The following THSD7B variants were observed in gnomAD, a reference collection of about 807,000 sequenced individuals.
THSD7B encodes the protein thrombospondin type 1 domain containing 7B, also known as thrombospondin type-1 domain-containing protein 7B.
In THSD7B, 138 loss-of-function variants were observed where a neutral mutation model predicts 213.6. The ratio of observed to expected loss-of-function variants is 0.65; its 90% confidence interval spans 0.56 to 0.74. The LOEUF (loss-of-function observed/expected upper bound fraction) is 0.74. Ranked by LOEUF, THSD7B falls within the 30% of genes least tolerant of loss-of-function variation. THSD7B has a pLI of 0.00. For missense variants in THSD7B, 1,931 were observed against 1,991.5 expected (o/e 0.97, Z 0.58); for synonymous variants, 742 against 687.0 (o/e 1.08, Z -1.25).
intron 16 of THSD7B, among the ~76,000 whole-genome samples, chr2:137,564,231 G>C (rs1405193893): frequency 2.0e-5 from 3 of 152,182 alleles, no homozygotes; most frequent in Non-Finnish European, 4.4e-5. Context: ...TTGAAAGTCA[G>C]TTGCAAGGCA....
intron 2 of THSD7B, among the ~76,000 whole-genome samples, chr2:136,954,437 C>T (rs1400868764): frequency 6.6e-6 from 1 of 152,144 alleles, no homozygotes; most frequent in African/African-American, 2.4e-5. Flanking sequence ...GAAATTACGG[C>T]CGGGCGCGGT....
At chr2:136,883,763 T>G (rs929354535) in intron 2 of THSD7B, among the ~76,000 whole-genome samples, 1 of 152,134 alleles carries the variant, frequency 6.6e-6, no homozygotes, top group African/African-American at 2.4e-5. Context: ...AACTCTACAG[T>G]GGATGAATTT....
intron 5 of THSD7B, among the ~76,000 whole-genome samples, chr2:137,135,310 C>A (rs1219806055): frequency 1.3e-5 from 2 of 152,114 alleles, no homozygotes; most frequent in Admixed American, 1.3e-4. Context: ...TGAGCTTTAG[C>A]CCTTATAACA....
chr2:137,620,637 G>A lies in THSD7B; in HGVS notation c.3710G>A (p.Ser1237Asn). ...QHNLEKPQRM[S>N]IPCLVECVVN... ...AATTTGGAGAAGCCCCAGAGAATGAGCATTCCCTGCTTGGTGGAATGCGTG... is the reference window on the plus strand; with the variant it reads ...AATTTGGAGAAGCCCCAGAGAATGAACATTCCCTGCTTGGTGGAATGCGTG... The change falls in exon 20 of 28, where the codon AGC (serine) becomes AAC (asparagine). Residue 1237 changes from serine (S) to asparagine (N), a missense_variant. Physicochemically the swap from Ser to Asn is conservative, Grantham distance 46 (BLOSUM62 1). Transcript: ENST00000409968. 6.2e-7 allele frequency: 1 copy of A among 1,613,854 alleles called. No homozygotes were observed. The highest frequency in any genetic ancestry group is 2.2e-5 in the East Asian group (1 of 44,884).
chr2:137,575,416 C>A (rs1031231674), intron 17 of THSD7B, among the ~76,000 whole-genome samples: 28 of 151,950 alleles, frequency 1.8e-4, no homozygotes, highest in African/African-American at 6.0e-4. Context: ...AATAAAATGT[C>A]ACCTCCATTA....
At chr2:137,160,405 A>G in intron 6 of THSD7B, 37 bp downstream of exon 6, 1 of 1,605,014 alleles carries the variant, frequency 6.2e-7, no homozygotes, top group Non-Finnish European at 8.5e-7. Flanking sequence ...ATTTGCTGTC[A>G]GCGTACAAAC....
intron 4 of THSD7B, among the ~76,000 whole-genome samples, chr2:137,113,418 T>G (rs1043359045): frequency 6.6e-6 from 1 of 152,000 alleles, no homozygotes; most frequent in African/African-American, 2.4e-5. Context: ...TTTGTGGGGT[T>G]TTTGTGTGTG....
chr2:137,510,122 G>A (rs1034415330), intron 15 of THSD7B, among the ~76,000 whole-genome samples: 5 of 151,960 alleles, frequency 3.3e-5, no homozygotes, highest in African/African-American at 1.2e-4. Flanking sequence ...ATTTAATATA[G>A]TAATTGGTAT....
chr2:136,830,537 G>C (rs572630135), intron 1 of THSD7B, among the ~76,000 whole-genome samples: 1 of 152,140 alleles, frequency 6.6e-6, no homozygotes, highest in East Asian at 1.9e-4. Context: ...TAACCTTAAA[G>C]TATTTGGAAA....
intron 14 of THSD7B, among the ~76,000 whole-genome samples, chr2:137,446,087 T>A (rs1343606861): frequency 6.6e-6 from 1 of 151,962 alleles, no homozygotes; most frequent in Non-Finnish European, 1.5e-5. Flanking sequence ...TGTCAGTAGA[T>A]AGAACATAAG....
At chr2:137,329,973 C>T (rs6727596) in intron 12 of THSD7B, among the ~76,000 whole-genome samples, 42,129 of 152,002 alleles carry the variant, frequency 0.28, 6,116 homozygotes, top group South Asian at 0.3. Flanking sequence ...GACTTGATGC[C>T]GTGCATCTCA....
chr2:136,940,248 C>T (rs1684798113), intron 2 of THSD7B, among the ~76,000 whole-genome samples: 2 of 151,878 alleles, frequency 1.3e-5, no homozygotes, highest in African/African-American at 4.8e-5. Context: ...TATTTAGCTC[C>T]TACTTATAAG....
chr2:136,904,937 G>A (rs1394983905), intron 2 of THSD7B, among the ~76,000 whole-genome samples: 1 of 152,220 alleles, frequency 6.6e-6, no homozygotes, highest in African/African-American at 2.4e-5. Context: ...CTCATACAAT[G>A]TTGGAGCGGT....
At chr2:136,878,219 C>T (rs1251467853) in intron 1 of THSD7B, among the ~76,000 whole-genome samples, 1 of 152,176 alleles carries the variant, frequency 6.6e-6, no homozygotes, top group African/African-American at 2.4e-5. Context: ...TGGTTTCCAG[C>T]TTCATCCATG....
chr2:137,052,245 G>T (rs1300772957), intron 2 of THSD7B, among the ~76,000 whole-genome samples: 1 of 152,134 alleles, frequency 6.6e-6, no homozygotes, highest in African/African-American at 2.4e-5. Context: ...AGGGTAGCAA[G>T]TTGCAGATAT....
At chr2:137,578,675 A>G (rs1681512728) in intron 17 of THSD7B, among the ~76,000 whole-genome samples, 1 of 152,162 alleles carries the variant, frequency 6.6e-6, no homozygotes, top group Non-Finnish European at 1.5e-5. Flanking sequence ...ACCCCACCCA[A>G]GCATTCAGCA....
intron 12 of THSD7B, among the ~76,000 whole-genome samples, chr2:137,312,886 T>G (rs1181193313): frequency 1.3e-5 from 2 of 151,192 alleles, no homozygotes; most frequent in African/African-American, 2.4e-5. Flanking sequence ...TTGTTATAAT[T>G]TCTGTTCTTT....
At chr2:136,780,112 T>G (rs1337748025) in intron 1 of THSD7B, among the ~76,000 whole-genome samples, 1 of 152,148 alleles carries the variant, frequency 6.6e-6, no homozygotes, top group Non-Finnish European at 1.5e-5. Context: ...TAACAATAAT[T>G]TATAATTTAT....
At chr2:137,046,270 C>T (rs1176748262) in intron 2 of THSD7B, among the ~76,000 whole-genome samples, 1 of 152,112 alleles carries the variant, frequency 6.6e-6, no homozygotes, top group African/African-American at 2.4e-5. Flanking sequence ...AAGTATTAAA[C>T]AGTGAATTCT....
Sources: gnomAD v4.1 joint callset for allele counts (sites outside exome capture counted in the v4.1 genomes callset) on GRCh38, gnomAD v4.1.1 for gene constraint, MANE v1.5 for transcripts, NCBI Gene and HGNC (gene_info 2026-07-23, HGNC 2026-07-21) for gene names.